Variants in ZDHHC1 observed in about 807,000 individuals in gnomAD.
ZDHHC1 encodes zDHHC palmitoyltransferase 1, also known as palmitoyltransferase ZDHHC1.
Under a neutral mutation model 46.9 loss-of-function variants are expected in ZDHHC1, and 45 were observed. That is an observed-to-expected ratio of 0.96 (90% CI 0.76 to 1.23). The LOEUF is 1.23. Among genes scored for constraint, ZDHHC1 ranks in the 50% most tolerant of loss-of-function variants. The probability of loss-of-function intolerance (pLI) is 0.00; values close to 1 mark genes in which losing one functional copy is unlikely to be tolerated. For missense variants in ZDHHC1, 649 were observed against 670.8 expected (o/e 0.97, Z 0.36); for synonymous variants, 291 against 286.0 (o/e 1.02, Z -0.18).
rs766456247 is a variant in ZDHHC1, at chr16:67,406,248, C to T, written c.204G>A (p.Gly68=). 1.3e-4 allele frequency: 209 copies of T among 1,613,072 alleles called. No individual in the cohort carries two copies. The highest frequency in any genetic ancestry group is 1.7e-4 in the Non-Finnish European group (199 of 1,179,712). ...GGTGAGGCAGGAGGGGAACAAGGAT[C>T]CCAAAGCCGATCACAGCAAAGAAGA... ...LYLFFAVIGF[G]ILVPLLPHHW... Residue 68 remains glycine (G), a synonymous_variant, in exon 3 of 12, where the codon GGG becomes GGA. Coordinates refer to ENST00000565726, the MANE Select transcript of ZDHHC1 (RefSeq NM_001323627.2). This position sits in a 1 kb window ranked among gnomAD's most constrained non-coding sequence, Gnocchi z 4.1.
chr16:67,406,357 GGGGAGGGT>G lies in ZDHHC1; in HGVS notation c.87_94del (p.Pro30Ter). 1 of 1,587,198 alleles carries G rather than the reference GGGGAGGGT, an allele frequency of 6.3e-7. No individual in the cohort carries two copies. The highest frequency in any genetic ancestry group is 1.1e-5 in the South Asian group (1 of 87,262). ...GCGGGATCGCTGGCCCTGCAGCTCA[GGGGAGGGT>G]CCGCTGGGCTGTGCCGGTGCCGTCC... On this transcript the variant is annotated frameshift_variant, in exon 3 of 12. Coordinates refer to ENST00000565726, the MANE Select transcript of ZDHHC1 (RefSeq NM_001323627.2). LOFTEE classifies it high-confidence loss of function. This position sits in a 1 kb window ranked among gnomAD's most constrained non-coding sequence, Gnocchi z 4.1.
chr16:67,406,021 G>A lies in ZDHHC1; in HGVS notation c.252+179C>T, dbSNP rs2040647959. 6.6e-6 allele frequency among the ~76,000 whole-genome samples: 1 copy of A among 152,140 alleles called. No individual in the cohort carries two copies. Among genetic ancestry groups the A allele is most frequent in the African/African-American group, 2.4e-5 (1 of 41,426 alleles). On this transcript the variant is annotated intron_variant, in intron 3 of 11. Transcript: ENST00000565726. The surrounding 1 kb of genome is among the most constrained non-coding windows in gnomAD (Gnocchi z 4.1). ...GCCCACTCACCCTATCAGGTGGAGA[G>A]GTCAGGTGGAGGCTGGAGACAGGCT...
At chr16:67,413,115 T>C (rs1371870810) in intron 1 of ZDHHC1, among the ~76,000 whole-genome samples, 4 of 151,924 alleles carry the variant, frequency 2.6e-5, no homozygotes, top group Non-Finnish European at 5.9e-5. Context: ...GATCCTGCTT[T>C]GTTGCCTAAG....
At position 67,398,386 on chromosome 16, in the gene ZDHHC1, G is replaced by A. The variant is rs917672492; in HGVS notation, c.815-62C>T. 5.1e-6 allele frequency: 8 copies of A among 1,563,104 alleles called. No homozygotes were observed. In the African/African-American group the frequency reaches 5.4e-5, roughly 11 times the overall value. ...GGGGACTCTGGAGCTCAGAACAGGAGGGAGGACAACCAGCCCCAGGCTGAA... is the reference window on the plus strand; with the variant it reads ...GGGGACTCTGGAGCTCAGAACAGGAAGGAGGACAACCAGCCCCAGGCTGAA... On this transcript the variant is annotated intron_variant, in intron 7 of 11. Transcript: ENST00000565726.
chr16:67,397,376 G>A (rs945567144), intron 8 of ZDHHC1, among the ~76,000 whole-genome samples: 5 of 152,202 alleles, frequency 3.3e-5, no homozygotes, highest in African/African-American at 1.2e-4. Flanking sequence ...ATACGGTGGT[G>A]TAACAGTGGA....
In ZDHHC1 at chr16:67,403,456, T is replaced by C. The variant is rs535930733; in HGVS notation, c.253-2324A>G. On this transcript the variant is annotated intron_variant, in intron 3 of 11. Transcript: ENST00000565726. ...TCTCGGCCTCTAATTTAGCTGCGTG[T>C]TGGGAGCAGGGAGAGAGACAAGGGG... is the stretch of plus-strand genomic sequence containing the variant. 7.8e-4 allele frequency among the ~76,000 whole-genome samples: 118 copies of C among 152,146 alleles called. 1 individual carries two copies. In the South Asian group the frequency reaches 0.023, roughly 29 times the overall value.
Position 67,407,833 on chromosome 16 carries a change from G to A in ZDHHC1, c.-38-20C>T. On this transcript the variant is annotated intron_variant, in intron 1 of 11. Transcript: ENST00000565726. ...AAACAGCTGAAATAAAAGGAAACGT[G>A]GGCACAGTAAATGGTGTGGAATCCT... is the stretch of plus-strand genomic sequence containing the variant. 3.9e-6 allele frequency: 3 copies of A among 775,676 alleles called. No individual in the cohort carries two copies. In the South Asian group the frequency reaches 4.1e-5, roughly 11 times the overall value. 48.0% of individuals were successfully genotyped at this position (775,676 alleles called of 1,614,324 possible).
At chr16:67,404,772 G>C in intron 3 of ZDHHC1, 1 of 453,616 alleles carries the variant, frequency 2.2e-6, no homozygotes, top group East Asian at 7.0e-5. Flanking sequence ...GACCAAATGA[G>C]ATCATTCATG....
At chr16:67,415,152 T>A (rs112388068) in intron 1 of ZDHHC1, among the ~76,000 whole-genome samples, 3 of 150,570 alleles carry the variant, frequency 2.0e-5, no homozygotes, top group Middle Eastern at 3.2e-3. Flanking sequence ...AAAATAAAAA[T>A]AAACAAAAAA....
In ZDHHC1 at chr16:67,398,804, C is replaced by T. The variant is rs775245008; in HGVS notation, c.655+16G>A. 5 of 1,612,274 alleles carry T rather than the reference C, an allele frequency of 3.1e-6. No homozygotes were observed. The highest frequency in any genetic ancestry group is 2.5e-6 in the Non-Finnish European group (3 of 1,179,334). On this transcript the variant is annotated intron_variant, in intron 6 of 11. Transcript: ENST00000565726. ...CCAGGGTTGGGGGTGAGAATAGGCC[C>T]GGAGCCTAAACTGACCTTCAAAGTG...
chr16:67,398,943 G>T lies in ZDHHC1; in HGVS notation c.532C>A (p.Leu178Ile), dbSNP rs781125546. ...GCGGATGCAACACTGTGTAGAAAGA[G>T]CCTGGGCCCAGCCATGGGTCGCTGT... ...NNCVGERNYR[L>I]FLHSVASALL... is the part of the protein sequence containing the mutation. The change falls in exon 6 of 12, where the codon CTC becomes ATC. Residue 178 changes from leucine to isoleucine, a missense_variant and splice_region_variant. Coordinates refer to ENST00000565726, the MANE Select transcript of ZDHHC1 (RefSeq NM_001323627.2). The T allele has an allele frequency of 8.4e-5, 135 of 1,612,458 alleles. No homozygotes were observed. The highest frequency in any genetic ancestry group is 1.1e-4 in the Non-Finnish European group (132 of 1,179,482).
intron 8 of ZDHHC1, among the ~76,000 whole-genome samples, 161 bp downstream of exon 8, chr16:67,398,051 C>T (rs1208180216): frequency 3.9e-5 from 6 of 152,218 alleles, no homozygotes; most frequent in African/African-American, 1.4e-4. Flanking sequence ...GCTGTGCCCA[C>T]GCTTGGGCGA....
chr16:67,404,868 C>T (rs2040624513), intron 3 of ZDHHC1, among the ~76,000 whole-genome samples: 1 of 152,254 alleles, frequency 6.6e-6, no homozygotes, highest in Non-Finnish European at 1.5e-5. Flanking sequence ...TCTGCTTCTA[C>T]TTGTACAAGG....
chr16:67,406,008 T>C lies in ZDHHC1; in HGVS notation c.252+192A>G, dbSNP rs2040647485. ...GTATTTTAGGCATGCCCACTCACCC[T>C]ATCAGGTGGAGAGGTCAGGTGGAGG... On this transcript the variant is annotated intron_variant, in intron 3 of 11. Transcript: ENST00000565726. This position sits in a 1 kb window ranked among gnomAD's most constrained non-coding sequence, Gnocchi z 4.1. Among the ~76,000 whole-genome samples, 1 of 152,192 alleles carries C rather than the reference T, an allele frequency of 6.6e-6. No homozygotes were observed. The highest frequency in any genetic ancestry group is 1.5e-5 in the Non-Finnish European group (1 of 68,022).
chr16:67,407,779 A>G lies in ZDHHC1; in HGVS notation c.-4T>C, dbSNP rs778497390. On this transcript the variant is annotated 5_prime_UTR_variant, in exon 2 of 12. Coordinates refer to ENST00000565726, the MANE Select transcript of ZDHHC1 (RefSeq NM_001323627.2). ...CCCAAAATTGTACCTTGTACATAGT[A>G]GATCCTCAGTAAATGTTTGCTGACT... 1 of 781,002 alleles carries G rather than the reference A, an allele frequency of 1.3e-6. No homozygotes were observed. The highest frequency in any genetic ancestry group is 1.3e-5 in the South Asian group (1 of 74,610). 48.4% of individuals were successfully genotyped at this position (781,002 alleles called of 1,614,324 possible). A position where few individuals can be genotyped will look rare whatever the true frequency, so the allele number is the denominator to read the frequency against.
chr16:67,409,984 C>CGGGGGTG (rs375903063), intron 1 of ZDHHC1, among the ~76,000 whole-genome samples: 1 of 25,584 alleles, frequency 3.9e-5, no homozygotes, highest in Non-Finnish European at 8.6e-5. Context: ...GGACAGGTGG[C>CGGGGGTG]GGGGGTGGGG....
chr16:67,396,607 G>A (rs1028714136), intron 8 of ZDHHC1, among the ~76,000 whole-genome samples: 4 of 152,200 alleles, frequency 2.6e-5, no homozygotes, highest in Non-Finnish European at 5.9e-5. Context: ...ACAGATCTGG[G>A]GGAGGAGCCC....
At chr16:67,410,553 T>C (rs1176137198) in intron 1 of ZDHHC1, among the ~76,000 whole-genome samples, 1 of 152,142 alleles carries the variant, frequency 6.6e-6, no homozygotes, top group Admixed American at 6.5e-5. Context: ...GTGAAAGCCA[T>C]TGGCAGGATG....
chr16:67,404,667 G>A (rs1220357173), intron 3 of ZDHHC1: 1 of 454,832 alleles, frequency 2.2e-6, no homozygotes, highest in African/African-American at 2.0e-5. Flanking sequence ...GCCTCACTGG[G>A]TGCCCGCTAT....
Sources: gnomAD v4.1 joint callset for allele counts (sites outside exome capture counted in the v4.1 genomes callset) on GRCh38, gnomAD v4.1.1 for gene constraint, Gnocchi (gnomAD v3.1) non-coding constraint, MANE v1.5 for transcripts, NCBI Gene and HGNC (gene_info 2026-07-23, HGNC 2026-07-21) for gene names.